Variants in ENTREP2 observed in about 807,000 individuals in gnomAD.
The protein encoded by ENTREP2 is endosomal transmembrane epsin interactor 2.
the ENTREP2 span, chr15:29,151,976 C>G: frequency 7.4e-6 from 5 of 673,882 alleles, no homozygotes; most frequent in African/African-American, 3.6e-5. Flanking sequence ...TTGTGTGTGT[C>G]TGTGTTTTCC....
the ENTREP2 span, among the ~76,000 whole-genome samples, chr15:29,492,045 T>C: frequency 1.3e-5 from 2 of 150,458 alleles, no homozygotes; most frequent in African/African-American, 2.5e-5. Context: ...TCACTGCCTT[T>C]ATTTCTACTG....
At chr15:29,149,221 G>C in the ENTREP2 span, among the ~76,000 whole-genome samples, 1 of 152,132 alleles carries the variant, frequency 6.6e-6, no homozygotes, top group Non-Finnish European at 1.5e-5. Flanking sequence ...TGTCTCACTT[G>C]CATCTAATGG....
At chr15:29,428,218 A>G in the ENTREP2 span, among the ~76,000 whole-genome samples, 3 of 152,104 alleles carry the variant, frequency 2.0e-5, no homozygotes, top group Admixed American at 6.5e-5. Flanking sequence ...ACATACTTCC[A>G]TGTTTGTTTG....
At chr15:29,269,867 G>T in the ENTREP2 span, 2 of 673,244 alleles carry the variant, frequency 3.0e-6, no homozygotes, top group Non-Finnish European at 4.5e-6. Flanking sequence ...GGGCGGCTGG[G>T]CGGTGCGCCT....
At chr15:29,216,466 G>A in the ENTREP2 span, among the ~76,000 whole-genome samples, 2 of 152,214 alleles carry the variant, frequency 1.3e-5, no homozygotes, top group South Asian at 4.1e-4. Context: ...TTTTGTGATG[G>A]ATTTCCCAGG....
chr15:29,604,957 G>A, the ENTREP2 span, among the ~76,000 whole-genome samples: 5 of 152,226 alleles, frequency 3.3e-5, no homozygotes, highest in African/African-American at 1.2e-4. Flanking sequence ...GACATGCACA[G>A]GTGACACAAA....
chr15:29,624,487 T>A, the ENTREP2 span, among the ~76,000 whole-genome samples: 16 of 152,320 alleles, frequency 1.1e-4, no homozygotes, highest in African/African-American at 3.8e-4. Context: ...ATCAGGGTTA[T>A]GTCTCTCTAC....
the ENTREP2 span, among the ~76,000 whole-genome samples, chr15:29,407,377 C>A: frequency 3.3e-5 from 5 of 152,304 alleles, no homozygotes; most frequent in Non-Finnish European, 5.9e-5. Context: ...TGGTGTACGA[C>A]TGTATATCTA....
chr15:29,511,462 G>A, the ENTREP2 span, among the ~76,000 whole-genome samples: 1 of 151,282 alleles, frequency 6.6e-6, no homozygotes, highest in Admixed American at 6.6e-5. Flanking sequence ...CCAAGTAACT[G>A]GGATTACAGG....
the ENTREP2 span, among the ~76,000 whole-genome samples, chr15:29,217,820 A>G: frequency 6.6e-6 from 1 of 152,100 alleles, no homozygotes; most frequent in Non-Finnish European, 1.5e-5. Flanking sequence ...TGGGGGTGTT[A>G]AAGTTTTGTC....
At chr15:29,254,465 A>C in the ENTREP2 span, among the ~76,000 whole-genome samples, 2 of 152,200 alleles carry the variant, frequency 1.3e-5, no homozygotes, top group East Asian at 3.8e-4. Flanking sequence ...ATATGTGTGC[A>C]GTGTTTGAAT....
the ENTREP2 span, among the ~76,000 whole-genome samples, chr15:29,456,587 A>T: frequency 5.3e-5 from 8 of 152,234 alleles, no homozygotes; most frequent in Non-Finnish European, 1.0e-4. Flanking sequence ...AGGTGCAAGG[A>T]GCATGTGGGA....
the ENTREP2 span, among the ~76,000 whole-genome samples, chr15:29,391,884 A>G: frequency 0.79 from 120,668 of 152,256 alleles, 47,836 homozygotes; most frequent in African/African-American, 0.81. Flanking sequence ...GAGTGCAGTG[A>G]CACGAGCTCG....
At chr15:29,665,041 C>G in the ENTREP2 span, among the ~76,000 whole-genome samples, 56 of 152,202 alleles carry the variant, frequency 3.7e-4, no homozygotes, top group African/African-American at 1.2e-3. Context: ...GGAACTTGCT[C>G]CAAGTGAGGA....
the ENTREP2 span, among the ~76,000 whole-genome samples, chr15:29,564,039 C>T: frequency 0.075 from 11,437 of 152,038 alleles, 516 homozygotes; most frequent in Non-Finnish European, 0.11. Flanking sequence ...GGATCGTATT[C>T]CTTTTTTGTT....
the ENTREP2 span, chr15:29,569,947 G>A: frequency 6.6e-6 from 1 of 151,648 alleles, no homozygotes; most frequent in South Asian, 2.1e-4. Context: ...AGAAGTCCCC[G>A]AAGCCAAGTC....
At chr15:29,402,870 C>T in the ENTREP2 span, among the ~76,000 whole-genome samples, 2 of 152,192 alleles carry the variant, frequency 1.3e-5, no homozygotes, top group Non-Finnish European at 2.9e-5. Context: ...AAGCCAGCGA[C>T]AGCTGGTTCT....
the ENTREP2 span, among the ~76,000 whole-genome samples, chr15:29,599,867 C>T: frequency 3.3e-5 from 5 of 152,214 alleles, no homozygotes; most frequent in Non-Finnish European, 7.3e-5. Flanking sequence ...TTCCAAGAGC[C>T]GAGCAGCAGC....
the ENTREP2 span, among the ~76,000 whole-genome samples, chr15:29,655,724 A>C: frequency 6.6e-6 from 1 of 151,970 alleles, no homozygotes; most frequent in African/African-American, 2.4e-5. Context: ...TAGAATTAAA[A>C]AACAAAAAAA....
Sources: allele counts gnomAD v4.1 joint callset (sites outside exome capture counted in the v4.1 genomes callset), GRCh38; gene constraint gnomAD v4.1.1; transcripts MANE v1.5; gene names NCBI Gene and HGNC (gene_info 2026-07-23, HGNC 2026-07-21).